COL26A1: variants seen among roughly 807,000 people sequenced by gnomAD.
COL26A1 encodes collagen type XXVI alpha 1 chain.
A neutral mutation model predicts 59.3 loss-of-function variants in COL26A1; 41 were observed. The observed-to-expected ratio is 0.69, with a 90% confidence interval of 0.54 to 0.90. The LOEUF (loss-of-function observed/expected upper bound fraction) is 0.90. COL26A1 is among the 40% of genes least tolerant of loss of function. The pLI, the probability that COL26A1 is intolerant of heterozygous loss-of-function variation, is 0.00. For missense variants in COL26A1, 612 were observed against 602.3 expected (o/e 1.02, Z -0.17); for synonymous variants, 266 against 256.0 (o/e 1.04, Z -0.37).
At position 101,500,092 on chromosome 7, in the gene COL26A1, G is replaced by A. The variant is rs182772008; in HGVS notation, c.386-32990G>A. Among the ~76,000 whole-genome samples, 633 of 152,296 alleles carry A rather than the reference G, an allele frequency of 4.2e-3. 4 individuals carry two copies. The highest frequency in any genetic ancestry group is 6.8e-3 in the Middle Eastern group (2 of 294). On this transcript the variant is annotated intron_variant, in intron 3 of 12. Coordinates refer to ENST00000313669, the MANE Select transcript of COL26A1 (RefSeq NM_001278563.3). ...TAAGCAAAACTCCAAACTTGGTTCA[G>A]GATTGAACCTGCCCCTTCTGCATTT...
chr7:101,457,330 A>G (rs191271790), intron 3 of COL26A1, among the ~76,000 whole-genome samples: 1 of 152,294 alleles, frequency 6.6e-6, no homozygotes, highest in African/African-American at 2.4e-5. Flanking sequence ...CATCAATGTT[A>G]TGACCTCTGG....
At position 101,366,474 on chromosome 7, in the gene COL26A1, A is replaced by ATTT. The variant is rs869149636; in HGVS notation, c.158+3325_158+3327dup. On this transcript the variant is annotated intron_variant, in intron 1 of 12. Transcript: ENST00000313669. ...TGTTACTGCTCCTTGTTAACGTCTG[A>ATTT]TTTTTTTTTTTTTTTTTTTTTTTTT... is the stretch of plus-strand genomic sequence containing the variant. 3.5e-4 allele frequency among the ~76,000 whole-genome samples: 27 copies of ATTT among 76,272 alleles called. 2 individuals are homozygous for ATTT. The highest frequency in any genetic ancestry group is 2.6e-3 in the East Asian group (7 of 2,726). 50.0% of individuals were successfully genotyped at this position (76,272 alleles called of 152,430 possible). A position where few individuals can be genotyped will look rare whatever the true frequency, so the allele number is the denominator to read the frequency against.
chr7:101,420,249 G>C (rs908947147), intron 2 of COL26A1, 150 bp downstream of exon 2: 2 of 877,906 alleles, frequency 2.3e-6, no homozygotes, highest in African/African-American at 3.3e-5. Context: ...ATAAGGCATG[G>C]GTGTGTGTAT....
At chr7:101,430,519 G>C (rs1792754381) in intron 2 of COL26A1, among the ~76,000 whole-genome samples, 1 of 150,532 alleles carries the variant, frequency 6.6e-6, no homozygotes, top group South Asian at 2.1e-4. Flanking sequence ...TTGAACTCTT[G>C]ACCTCATGAT....
chr7:101,377,859 A>G (rs1478307107), intron 1 of COL26A1, among the ~76,000 whole-genome samples: 3 of 152,176 alleles, frequency 2.0e-5, no homozygotes, highest in African/African-American at 7.2e-5. Flanking sequence ...CTGACTGATC[A>G]TTGCTGTTCA....
chr7:101,427,944 T>C (rs1485643728), intron 2 of COL26A1, among the ~76,000 whole-genome samples: 1 of 152,208 alleles, frequency 6.6e-6, no homozygotes, highest in Non-Finnish European at 1.5e-5. Context: ...GTGTGACTAA[T>C]GTAAACAGCC....
At chr7:101,407,839 C>T (rs527858247) in intron 1 of COL26A1, among the ~76,000 whole-genome samples, 153 of 152,160 alleles carry the variant, frequency 1.0e-3, no homozygotes, top group African/African-American at 3.4e-3. Flanking sequence ...AGTTATCACC[C>T]GGAAGTTACC....
intron 6 of COL26A1, 54 bp downstream of exon 6, chr7:101,544,150 T>G: frequency 7.1e-7 from 1 of 1,403,370 alleles, no homozygotes; most frequent in Non-Finnish European, 9.9e-7. Context: ...GGGGCTGGGC[T>G]TTCTTCTCTA....
intron 11 of COL26A1, among the ~76,000 whole-genome samples, chr7:101,554,282 G>A (rs540959793): frequency 2.0e-5 from 3 of 152,244 alleles, no homozygotes; most frequent in African/African-American, 4.8e-5. Flanking sequence ...GGGCCAGGGC[G>A]GGTCCAGGGG....
At chr7:101,471,571 G>GTTTTTTTTTT (rs71517177) in intron 3 of COL26A1, among the ~76,000 whole-genome samples, 9 of 93,014 alleles carry the variant, frequency 9.7e-5, no homozygotes, top group Non-Finnish European at 1.3e-4. Context: ...GTTGTTGTTT[G>GTTTTTTTTTT]TTTTTTTTTT....
chr7:101,555,041 G>T (rs993550421), intron 11 of COL26A1, among the ~76,000 whole-genome samples: 2 of 152,138 alleles, frequency 1.3e-5, no homozygotes, highest in Non-Finnish European at 2.9e-5. Context: ...CCAGCAAAAG[G>T]CACCCATTCT....
intron 1 of COL26A1, among the ~76,000 whole-genome samples, chr7:101,396,565 C>A (rs1415944064): frequency 6.6e-6 from 1 of 152,014 alleles, no homozygotes; most frequent in Non-Finnish European, 1.5e-5. Context: ...CGGGTTCAAG[C>A]AATTCTCCTG....
intron 1 of COL26A1, among the ~76,000 whole-genome samples, chr7:101,389,862 A>T (rs1485374417): frequency 6.6e-6 from 1 of 151,826 alleles, no homozygotes; most frequent in Non-Finnish European, 1.5e-5. Context: ...AATTTTTTGT[A>T]TTTTAGTAGA....
chr7:101,479,612 C>G (rs1794115492), intron 3 of COL26A1, among the ~76,000 whole-genome samples: 2 of 152,154 alleles, frequency 1.3e-5, no homozygotes, highest in South Asian at 4.1e-4. Flanking sequence ...AGTTTACTTA[C>G]CCATTTAAGA....
chr7:101,532,232 C>T (rs1286330364), intron 3 of COL26A1, among the ~76,000 whole-genome samples: 2 of 152,078 alleles, frequency 1.3e-5, no homozygotes, highest in Non-Finnish European at 2.9e-5. Context: ...ATTGGCCTTC[C>T]GGGCTCCAGT....
At chr7:101,488,197 C>T (rs953089684) in intron 3 of COL26A1, among the ~76,000 whole-genome samples, 1 of 150,562 alleles carries the variant, frequency 6.6e-6, no homozygotes, top group African/African-American at 2.4e-5. Flanking sequence ...ACAAGAATCG[C>T]TTGAACCCTG....
Position 101,462,597 on chromosome 7 carries a change from G to A in COL26A1, c.385+14810G>A, listed in dbSNP as rs574050164. ...CTCCCAAAGTGCTGGGATTACAGGC[G>A]TGAGCCACCGTGCCCGGCCTTAACT... On this transcript the variant is annotated intron_variant, in intron 3 of 12. Coordinates refer to ENST00000313669, the MANE Select transcript of COL26A1 (RefSeq NM_001278563.3). Among the ~76,000 whole-genome samples, 46 of 152,212 alleles carry A rather than the reference G, an allele frequency of 3.0e-4. No homozygotes were observed. In the South Asian group the frequency reaches 8.7e-3, roughly 29 times the overall value.
chr7:101,374,509 C>T (rs1417407760), intron 1 of COL26A1, among the ~76,000 whole-genome samples: 2 of 152,208 alleles, frequency 1.3e-5, no homozygotes, highest in East Asian at 1.9e-4. Context: ...TGCCTTAGCT[C>T]TGCCTCCTGT....
intron 11 of COL26A1, among the ~76,000 whole-genome samples, chr7:101,555,408 G>C (rs1469839158): frequency 6.6e-6 from 1 of 152,172 alleles, no homozygotes; most frequent in African/African-American, 2.4e-5. Context: ...CCTGGGATAG[G>C]TGCTCTGTCC....
Sources: allele counts gnomAD v4.1 joint callset (sites outside exome capture counted in the v4.1 genomes callset), GRCh38; gene constraint gnomAD v4.1.1; transcripts MANE v1.5; gene names NCBI Gene and HGNC (gene_info 2026-07-23, HGNC 2026-07-21).